The following STXBP5L variants were observed in gnomAD, a reference collection of about 807,000 sequenced individuals.
STXBP5L encodes the protein syntaxin-binding protein 5-like.
Under a neutral mutation model 144.5 loss-of-function variants are expected in STXBP5L, and 65 were observed. The observed-to-expected ratio is 0.45, with a 90% CI of 0.37 to 0.55. The LOEUF (loss-of-function observed/expected upper bound fraction) is 0.55, where lower values mean the gene tolerates loss of function less well. Ranked by LOEUF, STXBP5L falls within the 20% of genes least tolerant of loss-of-function variation. The probability of loss-of-function intolerance (pLI) is 0.00; values close to 1 mark genes in which losing one functional copy is unlikely to be tolerated. For missense variants in STXBP5L, 1,298 were observed against 1,405.5 expected, an observed-to-expected ratio of 0.92 and a Z score of 1.22; for synonymous variants, 505 against 469.6, an observed-to-expected ratio of 1.08 and a Z score of -0.97.
At chr3:121,415,817 T>G (rs2047219016) in intron 24 of STXBP5L, 40 bp from the exon 25 acceptor site, 6 of 1,419,028 alleles carry the variant, frequency 4.2e-6, no homozygotes, top group Non-Finnish European at 5.9e-6. Context: ...TAATTGATTT[T>G]TTAGTTGTTC....
At chr3:121,196,981 C>A (rs901900072) in intron 9 of STXBP5L, among the ~76,000 whole-genome samples, 1 of 152,138 alleles carries the variant, frequency 6.6e-6, no homozygotes, top group African/African-American at 2.4e-5. Flanking sequence ...CTGGGCTCAG[C>A]CTTTTTTTCT....
intron 14 of STXBP5L, among the ~76,000 whole-genome samples, chr3:121,242,255 G>C (rs958251939): frequency 1.3e-5 from 2 of 152,046 alleles, no homozygotes. Flanking sequence ...TCCATCTCTT[G>C]GATTTTTAAA....
chr3:121,015,039 A>G (rs1381127986), intron 3 of STXBP5L, among the ~76,000 whole-genome samples: 3 of 152,122 alleles, frequency 2.0e-5, no homozygotes, highest in African/African-American at 7.2e-5. Context: ...GGAGAAAAAG[A>G]TCATGTTTGT....
At chr3:121,141,676 A>G (rs2045511768) in intron 7 of STXBP5L, among the ~76,000 whole-genome samples, 1 of 152,196 alleles carries the variant, frequency 6.6e-6, no homozygotes, top group Non-Finnish European at 1.5e-5. Context: ...GAGTTTTGGT[A>G]TACTATTGAA....
At chr3:121,392,579 G>A (rs986153719) in intron 22 of STXBP5L, among the ~76,000 whole-genome samples, 1 of 151,860 alleles carries the variant, frequency 6.6e-6, no homozygotes. Context: ...CAATTGAAAG[G>A]AATCCTTGGC....
intron 2 of STXBP5L, among the ~76,000 whole-genome samples, chr3:120,939,831 T>C (rs1328422714): frequency 6.6e-6 from 1 of 152,172 alleles, no homozygotes; most frequent in East Asian, 1.9e-4. Flanking sequence ...GTATTTGTAT[T>C]AGAAGTACAG....
At chr3:121,100,812 G>T (rs555628644) in intron 5 of STXBP5L, among the ~76,000 whole-genome samples, 1 of 151,696 alleles carries the variant, frequency 6.6e-6, no homozygotes, top group Non-Finnish European at 1.5e-5. Context: ...AAAAAAGTTG[G>T]TTCTTTGAAA....
At chr3:121,386,857 A>G (rs1298279874) in intron 22 of STXBP5L, among the ~76,000 whole-genome samples, 1 of 152,208 alleles carries the variant, frequency 6.6e-6, no homozygotes. Context: ...TAGTGCTGCA[A>G]TAAACATACG....
intron 9 of STXBP5L, among the ~76,000 whole-genome samples, chr3:121,187,471 A>G (rs1231794695): frequency 6.6e-6 from 1 of 151,912 alleles, no homozygotes; most frequent in Non-Finnish European, 1.5e-5. Context: ...CGAAGAGTTA[A>G]TGGGTGCAGC....
At chr3:121,002,512 A>G (rs1193376019) in intron 3 of STXBP5L, among the ~76,000 whole-genome samples, 1 of 152,086 alleles carries the variant, frequency 6.6e-6, no homozygotes, top group African/African-American at 2.4e-5. Context: ...TTTGTTGATG[A>G]TTTTATTTGC....
chr3:121,383,971 C>T (rs1289175764), intron 22 of STXBP5L, among the ~76,000 whole-genome samples: 1 of 152,112 alleles, frequency 6.6e-6, no homozygotes, highest in Non-Finnish European at 1.5e-5. Context: ...GAGTGACATG[C>T]TCTCTGACCT....
chr3:121,349,329 G>T lies in STXBP5L; in HGVS notation c.2177-29387G>T, dbSNP rs549910538. 5.9e-5 allele frequency among the ~76,000 whole-genome samples: 9 copies of T among 152,142 alleles called. No homozygotes were observed. In the East Asian group the frequency reaches 1.5e-3, roughly 26 times the overall value. ...TGCACTGTGGTCTGAGAGACAGTTT[G>T]TTACAATTTCTGTTCTTTTACATTT... On this transcript the variant is annotated intron_variant, in intron 20 of 26. Transcript: ENST00000471454.
intron 22 of STXBP5L, among the ~76,000 whole-genome samples, chr3:121,390,351 T>G (rs1004358569): frequency 1.3e-5 from 2 of 152,214 alleles, no homozygotes; most frequent in Admixed American, 6.5e-5. Context: ...AATTTGCCAG[T>G]CTGTGTCTTT....
intron 5 of STXBP5L, among the ~76,000 whole-genome samples, chr3:121,045,933 G>A (rs2107567663): frequency 6.6e-6 from 1 of 152,240 alleles, no homozygotes; most frequent in African/African-American, 2.4e-5. Flanking sequence ...TGGCATCCTT[G>A]TCTTGTTTTG....
At chr3:121,397,389 C>T (rs182843127) in intron 22 of STXBP5L, among the ~76,000 whole-genome samples, 172 of 152,182 alleles carry the variant, frequency 1.1e-3, no homozygotes, top group African/African-American at 2.0e-3. Context: ...AATTCCAAGG[C>T]GAAAATGTTG....
At chr3:121,003,924 C>T (rs1358150319) in intron 3 of STXBP5L, among the ~76,000 whole-genome samples, 1 of 152,180 alleles carries the variant, frequency 6.6e-6, no homozygotes, top group African/African-American at 2.4e-5. Flanking sequence ...TGTTTTGGTA[C>T]CAGTACCACG....
chr3:121,098,201 A>G (rs1391053124), intron 5 of STXBP5L, among the ~76,000 whole-genome samples: 3 of 152,104 alleles, frequency 2.0e-5, no homozygotes, highest in East Asian at 3.9e-4. Flanking sequence ...GCCCTTTTTC[A>G]GTAGAAGGGG....
At chr3:121,145,233 C>T (rs909167121) in intron 7 of STXBP5L, among the ~76,000 whole-genome samples, 1 of 151,336 alleles carries the variant, frequency 6.6e-6, no homozygotes, top group African/African-American at 2.4e-5. Context: ...AGACAGAATC[C>T]CACCAGCACA....
At chr3:121,069,552 A>T (rs1385197683) in intron 5 of STXBP5L, among the ~76,000 whole-genome samples, 1 of 152,140 alleles carries the variant, frequency 6.6e-6, no homozygotes, top group Non-Finnish European at 1.5e-5. Context: ...TTACATTTAT[A>T]AGAAGATGCA....
Sources: allele counts gnomAD v4.1 joint callset (sites outside exome capture counted in the v4.1 genomes callset), GRCh38; gene constraint gnomAD v4.1.1; transcripts MANE v1.5; gene names NCBI Gene and HGNC (gene_info 2026-07-23, HGNC 2026-07-21).